Variants in SCN4A observed in about 807,000 individuals in gnomAD.
SCN4A encodes sodium voltage-gated channel alpha subunit 4.
Under a neutral mutation model 162.0 loss-of-function variants are expected in SCN4A, and 83 were observed. That is an observed-to-expected ratio of 0.51 (90% CI 0.43 to 0.61). The LOEUF (loss-of-function observed/expected upper bound fraction) is 0.61. Among genes scored for constraint, SCN4A ranks in the 20% least tolerant of loss-of-function variants. The pLI is 0.00. For missense variants in SCN4A, 2,196 were observed against 2,462.5 expected (o/e 0.89, Z 2.29); for synonymous variants, 944 against 985.1 (o/e 0.96, Z 0.78).
chr17:63,940,624 GC>G lies in SCN4A; in HGVS notation c.*146del. 1 of 979,414 alleles carries G rather than the reference GC, an allele frequency of 1.0e-6. No homozygotes were observed. Among genetic ancestry groups the G allele is most frequent in the East Asian group, 2.6e-5 (1 of 37,936 alleles). 60.7% of individuals were successfully genotyped at this position (979,414 alleles called of 1,614,324 possible). A position where few individuals can be genotyped will look rare whatever the true frequency, so the allele number is the denominator to read the frequency against. On this transcript the variant is annotated 3_prime_UTR_variant, in exon 24 of 24. Coordinates refer to ENST00000435607, the MANE Select transcript of SCN4A (RefSeq NM_000334.4). ...CGCAGGCGCTCGGGCCTGGGTGTCAGCCCCAGTGTGGCCAAATCCTGTCCCC... is the reference window on the plus strand; with the variant it reads ...CGCAGGCGCTCGGGCCTGGGTGTCAGCCCAGTGTGGCCAAATCCTGTCCCC...
rs750654464 is a variant in SCN4A at position 63,957,231 on chromosome 17, G to A, written c.2307C>T (p.Cys769=). ...ACATGGCTTGGCCGGCCACCTCCAT[G>A]CAGTCCCACATGGTCTCGATCCACT... ...CGEWIETMWD[C]MEVAGQAMCL... is the part of the protein sequence containing the mutation. The change falls in exon 13 of 24, where the codon TGC becomes TGT. Residue 769 remains cysteine (C), a synonymous_variant. Transcript: ENST00000435607. 1.9e-6 allele frequency: 3 copies of A among 1,608,272 alleles called. No individual in the cohort carries two copies. The highest frequency in any genetic ancestry group is 2.7e-5 in the African/African-American group (2 of 74,954).
chr17:63,960,008 G>T (rs113937879), intron 11 of SCN4A, among the ~76,000 whole-genome samples: 3,073 of 152,316 alleles, frequency 0.02, 42 homozygotes, highest in Middle Eastern at 0.058. Flanking sequence ...AGACTCAAAG[G>T]TTTAGGGCAG....
Position 63,945,545 on chromosome 17 carries a change from C to T in SCN4A, c.3535G>A (p.Val1179Ile), listed in dbSNP as rs1190836399. The T allele has an allele frequency of 1.1e-5, 17 of 1,613,880 alleles. No homozygotes were observed. The highest frequency in any genetic ancestry group is 1.4e-5 in the Non-Finnish European group (17 of 1,179,902). The change falls in exon 19 of 24, where the codon GTC (valine) becomes ATC (isoleucine). Residue 1179 changes from valine to isoleucine, a missense_variant. By Grantham distance (29) the Val-to-Ile change is conservative. Transcript: ENST00000435607. This position sits in a 1 kb window ranked among gnomAD's most constrained non-coding sequence, Gnocchi z 4.4. The stretch of plus-strand genomic sequence containing the variant: ...TAGAACTTGCCGGCAAACAGGTTGA[C>T]ACCCATGATGCTGAAGATCAGCCAG... The part of the protein sequence containing the change: ...IFWLIFSIMG[V>I]NLFAGKFYYC...
chr17:63,953,372 A>G (rs952994249), intron 13 of SCN4A, among the ~76,000 whole-genome samples: 1 of 152,028 alleles, frequency 6.6e-6, no homozygotes, highest in Non-Finnish European at 1.5e-5. Context: ...AACAAAACAA[A>G]ACAAAAAAAC....
At position 63,965,855 on chromosome 17, in the gene SCN4A, A is replaced by G. The variant is rs2008896; in HGVS notation, c.1242+247T>C. 0.037 allele frequency among the ~76,000 whole-genome samples: 5,619 copies of G among 152,284 alleles called. 190 individuals carry two copies. Among genetic ancestry groups the G allele is most frequent in the African/African-American group, 0.09 (3,748 of 41,568 alleles). ...CCTAGGGGGTCCTGGGCTTGTGCCT[A>G]TGCTAGGTCCAGACCTTGGCTCTGA... On this transcript the variant is annotated intron_variant, in intron 8 of 23. Coordinates refer to ENST00000435607, the MANE Select transcript of SCN4A (RefSeq NM_000334.4).
chr17:63,966,144 G>T lies in SCN4A; in HGVS notation c.1200C>A (p.Phe400Leu). ...CCCAATAGTCCTGTGTCATGAGGCG[G>T]AAGAGAGCCAAGAAGGCCCAGCTGA... ...DTFSWAFLAL[F>L]RLMTQDYWEN... The change falls in exon 8 of 24, where the codon TTC becomes TTA. Residue 400 changes from phenylalanine to leucine, a missense_variant. By Grantham distance (22) the Phe-to-Leu change is conservative. Coordinates refer to ENST00000435607, the MANE Select transcript of SCN4A (RefSeq NM_000334.4). The T allele has an allele frequency of 6.3e-7, 1 of 1,591,148 alleles. No individual in the cohort carries two copies. Among genetic ancestry groups the T allele is most frequent in the Non-Finnish European group, 8.6e-7 (1 of 1,168,780 alleles).
rs538428104 is a variant in SCN4A, at chr17:63,945,650, G to A, written c.3442-12C>T. 44 of 1,613,590 alleles carry A rather than the reference G, an allele frequency of 2.7e-5. No individual in the cohort carries two copies. In the South Asian group the frequency reaches 3.3e-4, roughly 12 times the overall value. On this transcript the variant is annotated splice_polypyrimidine_tract_variant and intron_variant, in intron 18 of 23. Coordinates refer to ENST00000435607, the MANE Select transcript of SCN4A (RefSeq NM_000334.4). This position sits in a 1 kb window ranked among gnomAD's most constrained non-coding sequence, Gnocchi z 4.4. ...GCGTTCACCACCACCTGGGGGCCAGGGGGTCCATTGCCAGTGCCTCTCCCA... is the reference window on the plus strand; with the variant it reads ...GCGTTCACCACCACCTGGGGGCCAGAGGGTCCATTGCCAGTGCCTCTCCCA...
Position 63,951,807 on chromosome 17 carries a change from T to C in SCN4A, c.2470A>G (p.Ile824Val). ...DEDGEMNNLQIAIGRIKLGIG... is the reference protein window; with the variant it reads ...DEDGEMNNLQVAIGRIKLGIG... ...CCCAACTTGATGCGCCCGATGGCAA[T>C]CTGCAGGTTGTTCATCTCGCCATCC... Residue 824 changes from isoleucine to valine, a missense_variant, in exon 14 of 24, where the codon ATT becomes GTT. Physicochemically the swap from Ile to Val is conservative, Grantham distance 29. Coordinates refer to ENST00000435607, the MANE Select transcript of SCN4A (RefSeq NM_000334.4). This position sits in a 1 kb window ranked among gnomAD's most constrained non-coding sequence, Gnocchi z 4.5. 1 of 1,583,958 alleles carries C rather than the reference T, an allele frequency of 6.3e-7. No individual in the cohort carries two copies. The highest frequency in any genetic ancestry group is 8.6e-7 in the Non-Finnish European group (1 of 1,165,306).
intron 13 of SCN4A, among the ~76,000 whole-genome samples, chr17:63,953,185 C>T (rs1298325551): frequency 6.6e-6 from 1 of 152,056 alleles, no homozygotes; most frequent in Non-Finnish European, 1.5e-5. Flanking sequence ...ATGGTGAAAC[C>T]CCGTCTCTAC....
chr17:63,949,817 G>T, intron 14 of SCN4A: 1 of 269,980 alleles, frequency 3.7e-6, no homozygotes, highest in East Asian at 7.2e-5. Flanking sequence ...AAGGGAGGAG[G>T]CGGGGACCCC....
rs1375342377 is a variant in SCN4A, at chr17:63,947,673, T to C, written c.3318+217A>G. Among the ~76,000 whole-genome samples, 6 of 152,202 alleles carry C rather than the reference T, an allele frequency of 3.9e-5. No homozygotes were observed. In the East Asian group the frequency reaches 1.2e-3, roughly 29 times the overall value. ...GTAAGTAGCCCTCCTGCCTGCTGTC[T>C]TCCCCCAAGGCCTCCTTTCCCTGAG... On this transcript the variant is annotated intron_variant, in intron 17 of 23. Coordinates refer to ENST00000435607, the MANE Select transcript of SCN4A (RefSeq NM_000334.4).
chr17:63,941,064 G>A lies in SCN4A; in HGVS notation c.5218C>T (p.Arg1740Trp), dbSNP rs373804267. The change falls in exon 24 of 24, where the codon CGG (arginine) becomes TGG (tryptophan). Residue 1740 changes from arginine (R) to tryptophan (W), a missense_variant. Transcript: ENST00000435607. The surrounding 1 kb of genome is among the most constrained non-coding windows in gnomAD (Gnocchi z 6.2). ...TTCATGGAGCGCTGTAGCAGGTGCC[G>A]GCGGTAGGCCCTCTGGATCTTGATG... is the stretch of plus-strand genomic sequence containing the variant. ...CAIKIQRAYRRHLLQRSMKQA... is the reference protein window; with the variant it reads ...CAIKIQRAYRWHLLQRSMKQA... The A allele has an allele frequency of 3.3e-5, 54 of 1,613,876 alleles. No individual in the cohort carries two copies. Among genetic ancestry groups the A allele is most frequent in the African/African-American group, 4.0e-5 (3 of 74,920 alleles).
At chr17:63,942,338 C>T (rs1437401623) in intron 23 of SCN4A, among the ~76,000 whole-genome samples, 2 of 151,762 alleles carry the variant, frequency 1.3e-5, no homozygotes, top group East Asian at 1.9e-4. Flanking sequence ...GGAGACAGAA[C>T]AGCTGCGTGA....
intron 22 of SCN4A, 65 bp downstream of exon 22, chr17:63,943,681 C>T (rs1401496143): frequency 8.7e-6 from 9 of 1,034,672 alleles, no homozygotes; most frequent in Non-Finnish European, 1.3e-5. Flanking sequence ...AACCTTTTAC[C>T]CCCATCAGTC....
intron 18 of SCN4A, 145 bp downstream of exon 18, chr17:63,946,900 G>A (rs576859452): frequency 1.3e-6 from 1 of 779,360 alleles, no homozygotes; most frequent in East Asian, 2.7e-5. Context: ...GTGGGGGCCA[G>A]ACCTGGCCTC....
rs2144795683 is a variant in SCN4A, at chr17:63,959,390, T to C, written c.1894A>G (p.Met632Val). 3.7e-6 allele frequency: 6 copies of C among 1,613,990 alleles called. No individual in the cohort carries two copies. The highest frequency in any genetic ancestry group is 3.3e-5 in the South Asian group (3 of 91,076). ...TAEMVLKLIAMDPYEYFQQGW... is the reference protein window; with the variant it reads ...TAEMVLKLIAVDPYEYFQQGW... ...TGCTGGAAATACTCGTAGGGGTCCA[T>C]GGCAATCAGCTTCAGAACCATCTCT... The change falls in exon 12 of 24, where the codon ATG becomes GTG. Residue 632 changes from methionine to valine, a missense_variant. Transcript: ENST00000435607.
rs959073798 is a variant in SCN4A, at chr17:63,972,408, G to A, written c.336C>T (p.Tyr112=). 8 of 1,613,870 alleles carry A rather than the reference G, an allele frequency of 5.0e-6. No individual in the cohort carries two copies. The highest frequency in any genetic ancestry group is 1.7e-5 in the Admixed American group (1 of 60,008). The change falls in exon 2 of 24, where the codon TAC becomes TAT. Residue 112 remains tyrosine, a synonymous_variant. Coordinates refer to ENST00000435607, the MANE Select transcript of SCN4A (RefSeq NM_000334.4). This position sits in a 1 kb window ranked among gnomAD's most constrained non-coding sequence, Gnocchi z 4.3. Reference sequence around the variant, plus strand: ...TGACTACGCTGAAGGGGCTCAGCAGGTAGAGAGCAGGTGTGGCGGAGAAGC... The same window carrying A: ...TGACTACGCTGAAGGGGCTCAGCAGATAGAGAGCAGGTGTGGCGGAGAAGC... ...IFRFSATPAL[Y]LLSPFSVVRR...
rs759052009 is a variant in SCN4A, at chr17:63,940,759, C to T, written c.*12G>A. 2.0e-5 allele frequency: 31 copies of T among 1,547,312 alleles called. No individual in the cohort carries two copies. The highest frequency in any genetic ancestry group is 1.7e-4 in the Middle Eastern group (1 of 5,734). ...TATGCCGAGACTCAGTGGGCCACCC[C>T]GATGCTGCCTGCTAGACAAGAGACT... is the stretch of plus-strand genomic sequence containing the variant. On this transcript the variant is annotated 3_prime_UTR_variant, in exon 24 of 24. Transcript: ENST00000435607.
In SCN4A at chr17:63,941,240, A is replaced by C; in HGVS notation, c.5042T>G (p.Phe1681Cys). ...GDKIHCLDIL[F>C]ALTKEVLGDS... is the part of the protein sequence containing the mutation. Reference sequence around the variant, plus strand: ...ACCCAGGACCTCTTTGGTCAGGGCAAAGAGGATGTCCAGGCAGTGGATCTT... The same window carrying C: ...ACCCAGGACCTCTTTGGTCAGGGCACAGAGGATGTCCAGGCAGTGGATCTT... Residue 1681 changes from phenylalanine (F) to cysteine (C), a missense_variant, in exon 24 of 24, where the codon TTT (phenylalanine) becomes TGT (cysteine). Transcript: ENST00000435607. This position sits in a 1 kb window ranked among gnomAD's most constrained non-coding sequence, Gnocchi z 6.2. 6.2e-7 allele frequency: 1 copy of C among 1,613,724 alleles called. No individual in the cohort carries two copies. Among genetic ancestry groups the C allele is most frequent in the Non-Finnish European group, 8.5e-7 (1 of 1,179,820 alleles).
Sources: allele counts gnomAD v4.1 joint callset (sites outside exome capture counted in the v4.1 genomes callset), GRCh38; gene constraint gnomAD v4.1.1; non-coding constraint Gnocchi (gnomAD v3.1); transcripts MANE v1.5; gene names NCBI Gene and HGNC (gene_info 2026-07-23, HGNC 2026-07-21).